Variants in TLE1 observed in about 807,000 individuals in gnomAD.
The protein encoded by TLE1 is TLE family member 1, transcriptional corepressor.
TLE1 carries 21 observed loss-of-function variants against 89.8 expected under a neutral mutation model. That is an observed-to-expected ratio of 0.23 (90% CI 0.17 to 0.34). TLE1 has a LOEUF of 0.34. TLE1 is among the 10% of genes least tolerant of loss of function. TLE1 has a pLI of 1.00. For missense variants in TLE1, 795 were observed against 1,031.2 expected (o/e 0.77, Z 3.14); for synonymous variants, 447 against 407.6 (o/e 1.10, Z -1.16).
At chr9:81,602,820 A>G (rs1831117604) in intron 14 of TLE1, among the ~76,000 whole-genome samples, 2 of 152,072 alleles carry the variant, frequency 1.3e-5, no homozygotes, top group South Asian at 2.1e-4. Context: ...GAATTTTAAC[A>G]AAGAATAAGA....
At chr9:81,592,916 G>T in intron 15 of TLE1, 109 bp downstream of exon 15, 1 of 1,431,684 alleles carries the variant, frequency 7.0e-7, no homozygotes. Context: ...GGAAACAGAA[G>T]GGGCTTCTAT....
intron 14 of TLE1, among the ~76,000 whole-genome samples, chr9:81,598,950 C>T (rs1830554566): frequency 6.6e-6 from 1 of 152,152 alleles, no homozygotes; most frequent in Non-Finnish European, 1.5e-5. Context: ...CAGTCAAGTG[C>T]AAGAAGTCAG....
intron 8 of TLE1, among the ~76,000 whole-genome samples, chr9:81,621,492 C>G (rs990591902): frequency 1.3e-5 from 2 of 152,186 alleles, no homozygotes; most frequent in African/African-American, 2.4e-5. Context: ...TCACAAAGCC[C>G]AGATAACCCC....
At chr9:81,672,770 A>G (rs1190941646) in intron 4 of TLE1, among the ~76,000 whole-genome samples, 1 of 152,190 alleles carries the variant, frequency 6.6e-6, no homozygotes, top group Admixed American at 6.6e-5. Context: ...ATTCGAAAGA[A>G]AAACTCTGAA....
intron 11 of TLE1, among the ~76,000 whole-genome samples, chr9:81,615,200 G>C (rs1824306315): frequency 6.7e-6 from 1 of 149,478 alleles, no homozygotes; most frequent in African/African-American, 2.5e-5. Flanking sequence ...GTGGTGGTGA[G>C]TGCCTGTAAT....
chr9:81,587,519 A>T (rs1041786012), intron 17 of TLE1, among the ~76,000 whole-genome samples, 162 bp downstream of exon 17: 9 of 152,112 alleles, frequency 5.9e-5, no homozygotes, highest in Non-Finnish European at 1.3e-4. Context: ...GTCGTGAAGG[A>T]GGAGGTGGTG....
intron 6 of TLE1, among the ~76,000 whole-genome samples, chr9:81,644,642 C>T (rs964325130): frequency 2.0e-5 from 3 of 152,014 alleles, no homozygotes; most frequent in Admixed American, 6.6e-5. Flanking sequence ...ATTTTATAGT[C>T]GTGATGGTTG....
chr9:81,681,738 T>C (rs1348763307), intron 4 of TLE1, among the ~76,000 whole-genome samples: 3 of 152,036 alleles, frequency 2.0e-5, no homozygotes, highest in Admixed American at 1.3e-4. Flanking sequence ...TACTGCTCAG[T>C]AGTTTTATCT....
At chr9:81,668,874 T>C (rs546202398) in intron 4 of TLE1, among the ~76,000 whole-genome samples, 6 of 152,198 alleles carry the variant, frequency 3.9e-5, no homozygotes, top group Non-Finnish European at 8.8e-5. Flanking sequence ...CACCAGAAGT[T>C]ACCACTCCTG....
intron 1 of TLE1, among the ~76,000 whole-genome samples, chr9:81,687,866 G>A (rs1303659810): frequency 6.6e-6 from 1 of 152,050 alleles, no homozygotes; most frequent in Non-Finnish European, 1.5e-5. Context: ...CCGGAACCGG[G>A]GCCGCATTGA....
chr9:81,651,226 G>C (rs966731612), intron 6 of TLE1, among the ~76,000 whole-genome samples: 5 of 152,164 alleles, frequency 3.3e-5, no homozygotes, highest in Non-Finnish European at 7.3e-5. Context: ...ATTTGAATCT[G>C]CTCAAGGCAC....
intron 14 of TLE1, among the ~76,000 whole-genome samples, chr9:81,596,908 A>T (rs1830297274): frequency 6.6e-6 from 1 of 152,160 alleles, no homozygotes; most frequent in Non-Finnish European, 1.5e-5. Context: ...ACTTTTCTGT[A>T]TGTGTATGGT....
chr9:81,671,163 G>C (rs886831282), intron 4 of TLE1, among the ~76,000 whole-genome samples: 1 of 151,994 alleles, frequency 6.6e-6, no homozygotes. Flanking sequence ...GTGAGACTCT[G>C]TCTCAAAACA....
In TLE1 at chr9:81,598,087, A is replaced by C. The variant is rs142159307; in HGVS notation, c.1332-4813T>G. On this transcript the variant is annotated intron_variant, in intron 14 of 19. Transcript: ENST00000376499. ...AAGCCCCGCTGCCTACGGACTTGGC[A>C]CTCTGGATGTGAAATTGTTAGCTAT... is the stretch of plus-strand genomic sequence containing the variant. 4.0e-3 allele frequency among the ~76,000 whole-genome samples: 615 copies of C among 152,246 alleles called. 2 individuals are homozygous for C. The highest frequency in any genetic ancestry group is 0.01 in the African/African-American group (423 of 41,540).
At chr9:81,668,079 T>C (rs1831714369) in intron 4 of TLE1, among the ~76,000 whole-genome samples, 2 of 151,898 alleles carry the variant, frequency 1.3e-5, no homozygotes, top group South Asian at 2.1e-4. Flanking sequence ...GCATAAGAAT[T>C]GCTTGAACCC....
intron 4 of TLE1, among the ~76,000 whole-genome samples, chr9:81,675,718 T>TTTTTTTTTTTTTTTTTTTA (rs1432501092): frequency 6.7e-6 from 1 of 149,858 alleles, no homozygotes; most frequent in African/African-American, 2.5e-5. Context: ...GTTTTTTTTT[T>TTTTTTTTTTTTTTTTTTTA]TGAGACGGAG....
chr9:81,649,210 C>G (rs1210153893), intron 6 of TLE1, among the ~76,000 whole-genome samples: 2 of 152,154 alleles, frequency 1.3e-5, no homozygotes, highest in East Asian at 3.9e-4. Flanking sequence ...AAGTTGAAGG[C>G]AGGTGCTATG....
At chr9:81,651,750 A>G (rs1829567034) in intron 6 of TLE1, among the ~76,000 whole-genome samples, 1 of 152,156 alleles carries the variant, frequency 6.6e-6, no homozygotes, top group African/African-American at 2.4e-5. Context: ...ATTCTAACCT[A>G]AAGCTTTTAC....
intron 8 of TLE1, among the ~76,000 whole-genome samples, chr9:81,625,911 T>TAAAAAAAAAAAAAAAAA (rs35467275): frequency 3.4e-5 from 3 of 87,834 alleles, no homozygotes; most frequent in African/African-American, 1.6e-4. Context: ...CAGAAACTAC[T>TAAAAAAAAAAAAAAAAA]AAAAAAAAAA....
Sources: allele counts gnomAD v4.1 joint callset (sites outside exome capture counted in the v4.1 genomes callset), GRCh38; gene constraint gnomAD v4.1.1; transcripts MANE v1.5; gene names NCBI Gene and HGNC (gene_info 2026-07-23, HGNC 2026-07-21).